GAS7: variants seen among roughly 807,000 people sequenced by gnomAD.
GAS7 encodes growth arrest-specific protein 7.
GAS7 carries 28 observed loss-of-function variants against 71.1 expected under a neutral mutation model. That is an observed-to-expected ratio of 0.39 (90% confidence interval 0.29 to 0.54). The LOEUF (loss-of-function observed/expected upper bound fraction) is 0.54, where lower values mean the gene tolerates loss of function less well. Among genes scored for constraint, GAS7 ranks in the 20% least tolerant of loss-of-function variants. The pLI is 0.62. For missense variants in GAS7, 436 were observed against 627.8 expected (o/e 0.69, Z 3.27); for synonymous variants, 258 against 245.8 (o/e 1.05, Z -0.46).
Position 9,981,062 on chromosome 17 carries a change from C to G in GAS7, c.385+742G>C, listed in dbSNP as rs2070393171. On this transcript the variant is annotated intron_variant, in intron 3 of 13. Coordinates refer to ENST00000432992, the MANE Select transcript of GAS7 (RefSeq NM_201433.2). The surrounding 1 kb of genome is among the most constrained non-coding windows in gnomAD (Gnocchi z 4.4). ...ATCCCAGCACTTTGAGAGGCCAAAA[C>G]AGGTGGATCACTTGAGACCAGGAGC... is the stretch of plus-strand genomic sequence containing the variant. 1.3e-5 allele frequency among the ~76,000 whole-genome samples: 2 copies of G among 152,174 alleles called. No homozygotes were observed.
chr17:10,045,415 G>A (rs1597743942), intron 1 of GAS7, among the ~76,000 whole-genome samples: 2 of 152,236 alleles, frequency 1.3e-5, no homozygotes, highest in East Asian at 3.9e-4. Flanking sequence ...TCCTAGTATT[G>A]GCCGGGTGTG....
chr17:10,137,048 A>C (rs1445145094), intron 1 of GAS7, among the ~76,000 whole-genome samples: 3 of 152,162 alleles, frequency 2.0e-5, no homozygotes, highest in African/African-American at 7.2e-5. Context: ...CAGGAGGCAG[A>C]GGTTGCACTG....
chr17:10,147,039 C>T (rs2074127217), intron 1 of GAS7, among the ~76,000 whole-genome samples: 1 of 151,988 alleles, frequency 6.6e-6, no homozygotes, highest in Non-Finnish European at 1.5e-5. Flanking sequence ...TGAATCTGTA[C>T]TCCTGTGGGC....
At chr17:9,991,392 T>C (rs141858034) in intron 2 of GAS7, among the ~76,000 whole-genome samples, 1,585 of 152,262 alleles carry the variant, frequency 0.01, 28 homozygotes, top group African/African-American at 0.036. Context: ...AGCCCTACAA[T>C]CTTGGTGGGG....
At chr17:10,083,126 T>G (rs564416343) in intron 1 of GAS7, among the ~76,000 whole-genome samples, 7 of 152,244 alleles carry the variant, frequency 4.6e-5, no homozygotes, top group Non-Finnish European at 8.8e-5. Context: ...GTAATAAATT[T>G]CATGAGAAAT....
At chr17:10,133,123 T>TATATATATATATATATATATA (rs770717224) in intron 1 of GAS7, among the ~76,000 whole-genome samples, 22 of 129,262 alleles carry the variant, frequency 1.7e-4, no homozygotes, top group Non-Finnish European at 3.0e-4. Flanking sequence ...TATTTTTATA[T>TATATATATATATATATATATA]TTTTTTTTTT....
chr17:10,158,333 T>G (rs1371944832), intron 1 of GAS7, among the ~76,000 whole-genome samples: 1 of 87,862 alleles, frequency 1.1e-5, no homozygotes, highest in African/African-American at 5.7e-5. Flanking sequence ...TTTCTTTTTT[T>G]GGTAAAAAAA....
chr17:10,061,074 T>A (rs2073214782), intron 1 of GAS7: 1 of 152,284 alleles, frequency 6.6e-6, no homozygotes, highest in Non-Finnish European at 1.5e-5. Context: ...GTAAATGGTC[T>A]CCCTTCTGAC....
chr17:10,095,581 G>A (rs548973404), intron 1 of GAS7, among the ~76,000 whole-genome samples: 23 of 152,206 alleles, frequency 1.5e-4, no homozygotes, highest in African/African-American at 5.1e-4. Flanking sequence ...CAGCATTTTC[G>A]GAGGCTGAGG....
intron 8 of GAS7, among the ~76,000 whole-genome samples, chr17:9,939,782 G>C (rs1040906256): frequency 6.6e-6 from 1 of 152,150 alleles, no homozygotes; most frequent in African/African-American, 2.4e-5. Context: ...GCTAATTCTT[G>C]TATTTTTAGT....
At chr17:10,184,606 C>T (rs992773448) in intron 1 of GAS7, among the ~76,000 whole-genome samples, 5 of 152,160 alleles carry the variant, frequency 3.3e-5, no homozygotes, top group East Asian at 1.9e-4. Context: ...TGGGAGCTGG[C>T]GGGAAATGCA....
intron 7 of GAS7, 97 bp from the exon 8 acceptor site, chr17:9,940,297 A>G: frequency 1.2e-6 from 1 of 850,642 alleles, no homozygotes; most frequent in Non-Finnish European, 2.1e-6. Context: ...AAAGGAACCC[A>G]CTAGACCATA....
chr17:10,046,827 AGGAAGGAAGGAAGG>A (rs2072973106), intron 1 of GAS7, among the ~76,000 whole-genome samples: 1 of 126,694 alleles, frequency 7.9e-6, no homozygotes, highest in Non-Finnish European at 1.6e-5. Context: ...GAAGGAAGGA[AGGAAGGAAGGAAGG>A]AAGGAAAGAA....
intron 2 of GAS7, among the ~76,000 whole-genome samples, chr17:10,003,291 AG>A (rs1412388352): frequency 6.6e-6 from 1 of 152,222 alleles, no homozygotes; most frequent in African/African-American, 2.4e-5. Flanking sequence ...AAGAAAGCAC[AG>A]GATAGCCATA....
intron 1 of GAS7, among the ~76,000 whole-genome samples, chr17:10,077,272 T>C (rs1310127384): frequency 6.6e-6 from 1 of 152,170 alleles, no homozygotes; most frequent in Non-Finnish European, 1.5e-5. Flanking sequence ...ATGATTAAAA[T>C]GGCTGATTGA....
At chr17:10,195,838 C>T (rs936431226) in intron 1 of GAS7, among the ~76,000 whole-genome samples, 3 of 152,140 alleles carry the variant, frequency 2.0e-5, no homozygotes, top group African/African-American at 7.2e-5. Flanking sequence ...TGAGGTCCAA[C>T]TTGCTCATGT....
chr17:9,989,510 A>C (rs1292932215), intron 2 of GAS7, among the ~76,000 whole-genome samples: 6 of 152,204 alleles, frequency 3.9e-5, no homozygotes, highest in Non-Finnish European at 5.9e-5. Context: ...GCACATGTGT[A>C]TAAAATGTGT....
chr17:9,982,874 G>GAAAGAAAGA (rs2070485708), intron 2 of GAS7, among the ~76,000 whole-genome samples: 2 of 150,806 alleles, frequency 1.3e-5, no homozygotes, highest in African/African-American at 4.9e-5. Context: ...AGAAAGCAAA[G>GAAAGAAAGA]AAAGCAAAGA....
intron 1 of GAS7, among the ~76,000 whole-genome samples, chr17:10,179,198 G>A (rs754514449): frequency 1.9e-4 from 29 of 152,034 alleles, no homozygotes; most frequent in Non-Finnish European, 4.0e-4. Context: ...GCGTGGTGGT[G>A]CATGCCTGTA....
Sources: allele counts gnomAD v4.1 joint callset (sites outside exome capture counted in the v4.1 genomes callset), GRCh38; gene constraint gnomAD v4.1.1; non-coding constraint Gnocchi (gnomAD v3.1); transcripts MANE v1.5; gene names NCBI Gene and HGNC (gene_info 2026-07-23, HGNC 2026-07-21).